Variants in IGFBP3 observed in about 807,000 individuals in gnomAD.
IGFBP3 encodes insulin-like growth factor-binding protein 3.
Under a neutral mutation model 28.6 loss-of-function variants are expected in IGFBP3, and 9 were observed. The observed-to-expected ratio is 0.31, with a 90% CI of 0.19 to 0.55. The LOEUF is 0.55. Ranked by LOEUF, IGFBP3 falls within the 20% of genes least tolerant of loss-of-function variation. IGFBP3 has a pLI of 0.93. For missense variants in IGFBP3, 382 were observed against 428.9 expected (o/e 0.89, Z 0.97); for synonymous variants, 185 against 188.2 (o/e 0.98, Z 0.14).
Position 45,917,377 on chromosome 7 carries a change from T to C in IGFBP3, c.466A>G (p.Ser156Gly). 1 of 1,614,072 alleles carries C rather than the reference T, an allele frequency of 6.2e-7. No homozygotes were observed. The highest frequency in any genetic ancestry group is 8.5e-7 in the Non-Finnish European group (1 of 1,180,016). ...TTGGGATCAGACACCCGGTGCGTGC[T>C]GGAGACGGACGGGCTCTCCACACTG... ...AGSVESPSVS[S>G]THRVSDPKFH... Residue 156 changes from serine (S) to glycine (G), a missense_variant, in exon 2 of 5, where the codon AGC becomes GGC. Coordinates refer to ENST00000613132, the MANE Select transcript of IGFBP3 (RefSeq NM_000598.5).
chr7:45,920,664 C>G (rs1784672279), intron 1 of IGFBP3, 74 bp downstream of exon 1: 4 of 1,259,682 alleles, frequency 3.2e-6, no homozygotes, highest in Non-Finnish European at 4.0e-6. Flanking sequence ...CGCAGCGGCA[C>G]CCAGCAACCC....
At chr7:45,918,820 AG>A (rs1784646701) in intron 1 of IGFBP3, among the ~76,000 whole-genome samples, 1 of 152,180 alleles carries the variant, frequency 6.6e-6, no homozygotes, top group Non-Finnish European at 1.5e-5. Context: ...CCTGCCAAAC[AG>A]CTCACTGAGG....
intron 2 of IGFBP3, 154 bp downstream of exon 2, chr7:45,917,059 G>C (rs1196864490): frequency 2.2e-5 from 14 of 644,052 alleles, no homozygotes; most frequent in Non-Finnish European, 3.9e-5. Flanking sequence ...TTTATGTAAG[G>C]AGAGGAGAGA....
At chr7:45,917,051 T>C (rs1784617524) in intron 2 of IGFBP3, 162 bp downstream of exon 2, 2 of 628,364 alleles carry the variant, frequency 3.2e-6, no homozygotes, top group South Asian at 1.9e-5. Context: ...CAATATTCTT[T>C]ATGTAAGGAG....
chr7:45,920,671 AC>A, intron 1 of IGFBP3, 66 bp downstream of exon 1: 1 of 1,277,030 alleles, frequency 7.8e-7, no homozygotes, highest in Non-Finnish European at 9.9e-7. Flanking sequence ...GCACCCAGCA[AC>A]CCCCAGGCCC....
In IGFBP3 at chr7:45,917,223, T is replaced by G. The variant is rs747561062; in HGVS notation, c.620A>C (p.Glu207Ala). 8 of 1,612,440 alleles carry G rather than the reference T, an allele frequency of 5.0e-6. No individual in the cohort carries two copies. In the South Asian group the frequency reaches 8.8e-5, roughly 18 times the overall value. The change falls in exon 2 of 5, where the codon GAG becomes GCG. Residue 207 changes from glutamate to alanine, a missense_variant. Transcript: ENST00000613132. ...TQNFSSESKR[E>A]TEYGPCRREM... ...AGGAAAAGCTCTCACATATTCTGTC[T>G]CCCGCTTGGACTCGGAGGAGAAGTT...
intron 3 of IGFBP3, 70 bp from the exon 4 acceptor site, chr7:45,915,015 G>A (rs778080893): frequency 8.3e-6 from 13 of 1,566,120 alleles, no homozygotes; most frequent in African/African-American, 2.7e-5. Flanking sequence ...TGGCCAGGGC[G>A]CATGATGGTT....
Position 45,917,458 on chromosome 7 carries a change from G to A in IGFBP3, c.404-19C>T. On this transcript the variant is annotated intron_variant, in intron 1 of 4. Transcript: ENST00000613132. ...GCATTTCCTTAAAACGCCCAAGAGAGACAAACACATGAGAGTCATCAATAT... is the reference window on the plus strand; with the variant it reads ...GCATTTCCTTAAAACGCCCAAGAGAAACAAACACATGAGAGTCATCAATAT... 6.3e-7 allele frequency: 1 copy of A among 1,575,640 alleles called. No individual in the cohort carries two copies. The highest frequency in any genetic ancestry group is 8.7e-7 in the Non-Finnish European group (1 of 1,154,772).
rs1409183895 is a variant in IGFBP3, at chr7:45,921,239, T to C, written c.-99A>G. On this transcript the variant is annotated 5_prime_UTR_variant, in exon 1 of 5. Coordinates refer to ENST00000613132, the MANE Select transcript of IGFBP3 (RefSeq NM_000598.5). Reference sequence around the variant, plus strand: ...CTGTGGAATCCAGGCAGGAAGCGGCTGATCCTCAGCGCCCAGCCGCAGTGC... The same window carrying C: ...CTGTGGAATCCAGGCAGGAAGCGGCCGATCCTCAGCGCCCAGCCGCAGTGC... 1.5e-5 allele frequency: 21 copies of C among 1,374,052 alleles called. No homozygotes were observed. Among genetic ancestry groups the C allele is most frequent in the Non-Finnish European group, 2.0e-5 (20 of 1,013,686 alleles). The allele number at this position is 1,374,052 out of a possible 1,614,324, so 85.1% of individuals were successfully genotyped here.
In IGFBP3 at chr7:45,916,620, G is replaced by A; in HGVS notation, c.678C>T (p.Phe226=). 6.2e-7 allele frequency: 1 copy of A among 1,613,420 alleles called. No homozygotes were observed. The highest frequency in any genetic ancestry group is 8.5e-7 in the Non-Finnish European group (1 of 1,179,406). The change falls in exon 3 of 5, where the codon TTC becomes TTT. Residue 226 remains phenylalanine (F), a synonymous_variant. Coordinates refer to ENST00000613132, the MANE Select transcript of IGFBP3 (RefSeq NM_000598.5). ...EMEDTLNHLK[F]LNVLSPRGVH... Reference sequence around the variant, plus strand: ...CACCCCTGGGACTCAGCACATTGAGGAACTTCAGGTGATTCAGTGTGTCTT... The same window carrying A: ...CACCCCTGGGACTCAGCACATTGAGAAACTTCAGGTGATTCAGTGTGTCTT...
chr7:45,921,257 C>T lies in IGFBP3; in HGVS notation c.-117G>A. On this transcript the variant is annotated 5_prime_UTR_variant, in exon 1 of 5. Transcript: ENST00000613132. ...AAGCGGCTGATCCTCAGCGCCCAGC[C>T]GCAGTGCTCGCATCTGGGCGGCCCG... The T allele has an allele frequency of 1.6e-6, 2 of 1,230,194 alleles. No individual in the cohort carries two copies. The highest frequency in any genetic ancestry group is 2.1e-5 in the Admixed American group (1 of 47,890). 76.2% of individuals were successfully genotyped at this position (1,230,194 alleles called of 1,614,324 possible).
At position 45,920,727 on chromosome 7, in the gene IGFBP3, G is replaced by C; in HGVS notation, c.403+11C>G. On this transcript the variant is annotated intron_variant, in intron 1 of 4. Coordinates refer to ENST00000613132, the MANE Select transcript of IGFBP3 (RefSeq NM_000598.5). ...GTGCTGCACGCAGCGCACCTGGCGC[G>C]GGCGGCTCACCTGGAGCTGGCGGCG... 7.2e-7 allele frequency: 1 copy of C among 1,393,190 alleles called. No homozygotes were observed. The highest frequency in any genetic ancestry group is 9.2e-7 in the Non-Finnish European group (1 of 1,082,698). The allele number at this position is 1,393,190 out of a possible 1,614,324, so 86.3% of individuals were successfully genotyped here. A position where few individuals can be genotyped will look rare whatever the true frequency, so the allele number is the denominator to read the frequency against.
chr7:45,912,616 C>A lies in IGFBP3; in HGVS notation c.*1234G>T, dbSNP rs1784559266. On this transcript the variant is annotated 3_prime_UTR_variant, in exon 5 of 5. Coordinates refer to ENST00000613132, the MANE Select transcript of IGFBP3 (RefSeq NM_000598.5). Reference sequence around the variant, plus strand: ...CCGGGAGAGCAGCCCAGTCTCTGGGCGTGAGCTCCTTTCCTCAGTCATGGC... The same window carrying A: ...CCGGGAGAGCAGCCCAGTCTCTGGGAGTGAGCTCCTTTCCTCAGTCATGGC... 1 of 152,592 alleles carries A rather than the reference C, an allele frequency of 6.6e-6. No homozygotes were observed. The highest frequency in any genetic ancestry group is 6.6e-5 in the Admixed American group (1 of 15,260). The allele number at this position is 152,592 out of a possible 1,614,324, so 9.5% of individuals were successfully genotyped here.
In IGFBP3 at chr7:45,917,343, G is replaced by A; in HGVS notation, c.500C>T (p.Pro167Leu). 5.6e-6 allele frequency: 9 copies of A among 1,614,042 alleles called. No homozygotes were observed. The highest frequency in any genetic ancestry group is 7.6e-6 in the Non-Finnish European group (9 of 1,180,008). ...GATGATGATTATCTTTGAATGGAGG[G>A]GGTGGAACTTGGGATCAGACACCCG... Reference protein sequence around the residue: ...THRVSDPKFHPLHSKIIIIKK... With the variant: ...THRVSDPKFHLLHSKIIIIKK... Residue 167 changes from proline (P) to leucine (L), a missense_variant, in exon 2 of 5, where the codon CCC becomes CTC. By Grantham distance (98) the Pro-to-Leu change is moderately conservative. Transcript: ENST00000613132.
Position 45,921,141 on chromosome 7 carries a change from G to A in IGFBP3, c.-1C>T. 2 of 1,502,294 alleles carry A rather than the reference G, an allele frequency of 1.3e-6. No homozygotes were observed. The highest frequency in any genetic ancestry group is 4.1e-5 in the Admixed American group (2 of 48,434). The allele number at this position is 1,502,294 out of a possible 1,614,324, so 93.1% of individuals were successfully genotyped here. A position where few individuals can be genotyped will look rare whatever the true frequency, so the allele number is the denominator to read the frequency against. On this transcript the variant is annotated 5_prime_UTR_variant, in exon 1 of 5. Transcript: ENST00000613132. ...AGAGCGTGGGTCGCGCCCGCTGCAT[G>A]ACGCCTGCAACCGGGGCACGCTGCT...
intron 2 of IGFBP3, 71 bp downstream of exon 2, chr7:45,917,142 C>T: frequency 3.1e-6 from 4 of 1,301,794 alleles, no homozygotes; most frequent in Non-Finnish European, 4.4e-6. Flanking sequence ...AAGAATTGCC[C>T]TCAAGAGGCT....
At chr7:45,920,626 C>T (rs966411136) in intron 1 of IGFBP3, 112 bp downstream of exon 1, 3 of 1,070,226 alleles carry the variant, frequency 2.8e-6, no homozygotes, top group Non-Finnish European at 3.6e-6. Flanking sequence ...CACATATTAT[C>T]TCCAGTGAGA....
At position 45,920,742 on chromosome 7, in the gene IGFBP3, A is replaced by G. The variant is rs1784674480; in HGVS notation, c.399T>C (p.Ala133=). The part of the protein sequence containing the change: ...LRAYLLPAPP[A]PGNASESEED... ...CACCTGGCGCGGGCGGCTCACCTGGAGCTGGCGGCGCTGGCAGCAGGTAGG... is the reference window on the plus strand; with the variant it reads ...CACCTGGCGCGGGCGGCTCACCTGGGGCTGGCGGCGCTGGCAGCAGGTAGG... The change falls in exon 1 of 5, where the codon GCT becomes GCC. Residue 133 remains alanine (A), a synonymous_variant. Transcript: ENST00000613132. 4 of 1,412,878 alleles carry G rather than the reference A, an allele frequency of 2.8e-6. No individual in the cohort carries two copies. In the South Asian group the frequency reaches 6.0e-5, roughly 21 times the overall value. 87.5% of individuals were successfully genotyped at this position (1,412,878 alleles called of 1,614,324 possible).
intron 1 of IGFBP3, among the ~76,000 whole-genome samples, chr7:45,918,901 C>A (rs1784647524): frequency 6.6e-6 from 1 of 152,198 alleles, no homozygotes. Context: ...CAGCACAGAG[C>A]CTCACAGAGG....
Sources: gnomAD v4.1 joint callset for allele counts (sites outside exome capture counted in the v4.1 genomes callset) on GRCh38, gnomAD v4.1.1 for gene constraint, MANE v1.5 for transcripts, NCBI Gene and HGNC (gene_info 2026-07-23, HGNC 2026-07-21) for gene names.